Variants in CC2D2B observed in about 807,000 individuals in gnomAD.
CC2D2B encodes the protein protein CC2D2B.
A neutral mutation model predicts 161.2 loss-of-function variants in CC2D2B; 128 were observed. That is an observed-to-expected ratio of 0.79 (90% CI 0.69 to 0.92). The LOEUF is 0.92. Among genes scored for constraint, CC2D2B ranks in the 40% least tolerant of loss-of-function variants. CC2D2B has a pLI of 0.00. For missense variants in CC2D2B, 1,173 were observed against 1,375.1 expected, an observed-to-expected ratio of 0.85 and a Z score of 2.32; for synonymous variants, 391 against 449.8, an observed-to-expected ratio of 0.87 and a Z score of 1.65.
intron 26 of CC2D2B, among the ~76,000 whole-genome samples, chr10:96,011,484 T>C (rs1346504191): frequency 1.3e-5 from 2 of 152,198 alleles, no homozygotes; most frequent in African/African-American, 4.8e-5. Flanking sequence ...CATTGAATGA[T>C]ACGATCTATA....
At chr10:95,977,363 G>T (rs2077357096) in intron 17 of CC2D2B, among the ~76,000 whole-genome samples, 1 of 152,136 alleles carries the variant, frequency 6.6e-6, no homozygotes, top group Admixed American at 6.5e-5. Context: ...GACAGAGTGA[G>T]ACTCTGTCTC....
In CC2D2B at chr10:96,024,245, A is replaced by ATGTGTGTG. The variant is rs34536704; in HGVS notation, c.3889-590_3889-583dup. Among the ~76,000 whole-genome samples the ATGTGTGTG allele has an allele frequency of 4.0e-5, 6 of 149,826 alleles. No homozygotes were observed. The South Asian group carries it at 1.1e-3, about 26-fold the overall frequency. On this transcript the variant is annotated intron_variant, in intron 32 of 34. Transcript: ENST00000646931. Reference sequence around the variant, plus strand: ...GTTGAAATGGATTCTGTGTATGTGCATGTGTGTGTGTGTGTGTGTGTGTGT... The same window carrying ATGTGTGTG: ...GTTGAAATGGATTCTGTGTATGTGCATGTGTGTGTGTGTGTGTGTGTGTGTGTGTGTGT...
At chr10:95,982,973 T>C (rs1228070092) in intron 18 of CC2D2B, among the ~76,000 whole-genome samples, 2 of 152,198 alleles carry the variant, frequency 1.3e-5, no homozygotes, top group Non-Finnish European at 2.9e-5. Context: ...GGTTTTACCA[T>C]GTTGGCCAAG....
At chr10:96,015,513 A>C (rs2079159962) in intron 29 of CC2D2B, among the ~76,000 whole-genome samples, 1 of 151,832 alleles carries the variant, frequency 6.6e-6, no homozygotes, top group South Asian at 2.1e-4. Flanking sequence ...TTTTCTAAGA[A>C]AATGTTCTCT....
At chr10:95,953,808 G>A (rs2076485382) in intron 10 of CC2D2B, among the ~76,000 whole-genome samples, 1 of 152,104 alleles carries the variant, frequency 6.6e-6, no homozygotes, top group Non-Finnish European at 1.5e-5. Context: ...CTTGTGGTTA[G>A]CTCTACTTAT....
chr10:96,031,579 G>A (rs1174908279), intron 34 of CC2D2B, among the ~76,000 whole-genome samples: 8 of 152,168 alleles, frequency 5.3e-5, no homozygotes. Flanking sequence ...CTCAGACCTG[G>A]TTGTGCTCCT....
At position 95,938,658 on chromosome 10, in the gene CC2D2B, A is replaced by G. The variant is rs1344944280; in HGVS notation, c.625A>G (p.Lys209Glu). 50 of 714,496 alleles carry G rather than the reference A, an allele frequency of 7.0e-5. No homozygotes were observed. The highest frequency in any genetic ancestry group is 1.3e-4 in the Non-Finnish European group (49 of 384,160). The allele number at this position is 714,496 out of a possible 1,614,324, so 44.3% of individuals were successfully genotyped here. ...FYIQRKPEIY[K>E]KTCNKMENRL... is the part of the protein sequence containing the mutation. Reference sequence around the variant, plus strand: ...TATTCAGAGAAAGCCAGAAATATACAAAAAGACCTGCAACAAAATGGAAAA... The same window carrying G: ...TATTCAGAGAAAGCCAGAAATATACGAAAAGACCTGCAACAAAATGGAAAA... Residue 209 changes from lysine (K) to glutamate (E), a missense_variant, in exon 8 of 35, where the codon AAA (lysine) becomes GAA (glutamate). Lys to Glu is a moderately conservative substitution (Grantham distance 56). Coordinates refer to ENST00000646931, the MANE Select transcript of CC2D2B (RefSeq NM_001349008.3).
At chr10:96,008,925 GT>G (rs1171312786) in intron 25 of CC2D2B, among the ~76,000 whole-genome samples, 1 of 151,832 alleles carries the variant, frequency 6.6e-6, no homozygotes, top group African/African-American at 2.4e-5. Flanking sequence ...TTGATGTCAT[GT>G]TTTTTAGCTC....
At chr10:95,924,907 C>A in intron 5 of CC2D2B, 63 bp downstream of exon 5, 3 of 989,086 alleles carry the variant, frequency 3.0e-6, no homozygotes, top group Non-Finnish European at 1.6e-6. Flanking sequence ...GTTTACATAG[C>A]AAAACTTCAC....
chr10:95,918,737 A>G (rs1162058569), intron 2 of CC2D2B, among the ~76,000 whole-genome samples: 1 of 152,160 alleles, frequency 6.6e-6, no homozygotes, highest in African/African-American at 2.4e-5. Flanking sequence ...TAAGGCCAAT[A>G]ACTCTTAGAT....
Position 95,947,113 on chromosome 10 carries a change from A to ATATATT in CC2D2B, c.802-2782_802-2781insATATTT, listed in dbSNP as rs1289243570. ...TATATATATATATATATATATATATATTTTTTTTTTTTTTTTTGAGACAAA... is the reference window on the plus strand; with the variant it reads ...TATATATATATATATATATATATATATATATTTTTTTTTTTTTTTTTTTGAGACAAA... On this transcript the variant is annotated intron_variant, in intron 9 of 34. Transcript: ENST00000646931. 1.2e-3 allele frequency among the ~76,000 whole-genome samples: 60 copies of ATATATT among 48,386 alleles called. 3 individuals are homozygous for ATATATT. Among genetic ancestry groups the ATATATT allele is most frequent in the African/African-American group, 1.6e-3 (17 of 10,720 alleles). 31.7% of individuals were successfully genotyped at this position (48,386 alleles called of 152,430 possible).
intron 2 of CC2D2B, among the ~76,000 whole-genome samples, chr10:95,912,556 G>T (rs1385148982): frequency 2.6e-5 from 4 of 152,162 alleles, no homozygotes; most frequent in Admixed American, 6.5e-5. Flanking sequence ...GGCCACAGAG[G>T]TAGAAGGGTA....
chr10:96,016,383 A>C, intron 30 of CC2D2B, 69 bp downstream of exon 30: 1 of 1,069,112 alleles, frequency 9.4e-7, no homozygotes, highest in East Asian at 2.4e-5. Context: ...CAAGTTTAGA[A>C]GACTTCAAAC....
intron 20 of CC2D2B, among the ~76,000 whole-genome samples, chr10:95,990,807 G>C (rs1343002822): frequency 6.6e-6 from 1 of 152,188 alleles, no homozygotes; most frequent in Non-Finnish European, 1.5e-5. Context: ...AGACTAAAAA[G>C]GAGATGTTCA....
At chr10:96,004,324 T>G in intron 25 of CC2D2B, 76 bp downstream of exon 25, 1 of 772,332 alleles carries the variant, frequency 1.3e-6, no homozygotes, top group Non-Finnish European at 2.1e-6. Context: ...CTAACATGTT[T>G]GTAAATATGC....
chr10:95,969,885 A>AT (rs1161365878), intron 15 of CC2D2B, among the ~76,000 whole-genome samples: 2 of 152,148 alleles, frequency 1.3e-5, no homozygotes, highest in Non-Finnish European at 2.9e-5. Flanking sequence ...GTCCTTTATC[A>AT]TCCTATCACT....
intron 34 of CC2D2B, among the ~76,000 whole-genome samples, chr10:96,028,302 T>G (rs982591336): frequency 2.6e-5 from 4 of 152,104 alleles, no homozygotes; most frequent in Non-Finnish European, 5.9e-5. Flanking sequence ...TCTGATTTTT[T>G]AAATGGGCAA....
intron 30 of CC2D2B, chr10:96,018,798 T>G (rs1218634034): frequency 1.3e-5 from 2 of 152,624 alleles, no homozygotes; most frequent in African/African-American, 4.8e-5. Context: ...TATTTATTTT[T>G]GTTGTTTGTT....
At chr10:95,958,853 A>G (rs1170073725) in intron 11 of CC2D2B, among the ~76,000 whole-genome samples, 1 of 152,120 alleles carries the variant, frequency 6.6e-6, no homozygotes, top group African/African-American at 2.4e-5. Flanking sequence ...GGTAAGAGGA[A>G]TGAAATAACA....
Sources: allele counts gnomAD v4.1 joint callset (sites outside exome capture counted in the v4.1 genomes callset), GRCh38; gene constraint gnomAD v4.1.1; transcripts MANE v1.5; gene names NCBI Gene and HGNC (gene_info 2026-07-23, HGNC 2026-07-21).